Variants in NLN observed in about 807,000 individuals in gnomAD.
NLN encodes the protein neurolysin, mitochondrial.
Under a neutral mutation model 79.9 loss-of-function variants are expected in NLN, and 64 were observed. The observed-to-expected ratio is 0.80, with a 90% CI of 0.65 to 0.99. NLN has a LOEUF of 0.99. NLN is among the 50% of genes least tolerant of loss of function. NLN has a pLI of 0.00. For missense variants in NLN, 835 were observed against 858.7 expected (o/e 0.97, Z 0.34); for synonymous variants, 267 against 296.6 (o/e 0.90, Z 1.02).
intron 1 of NLN, among the ~76,000 whole-genome samples, chr5:65,742,214 T>A (rs1223505622): frequency 3.3e-5 from 5 of 152,078 alleles, no homozygotes; most frequent in East Asian, 1.9e-4. Context: ...TTACCTTTTT[T>A]AAAAAAATGG....
chr5:65,813,938 A>C (rs1579971620), intron 12 of NLN, among the ~76,000 whole-genome samples: 1 of 152,050 alleles, frequency 6.6e-6, no homozygotes, highest in African/African-American at 2.4e-5. Context: ...AAAAAAAAAA[A>C]AATCATTGAG....
chr5:65,733,547 T>C, intron 1 of NLN: 1 of 1,484,938 alleles, frequency 6.7e-7, no homozygotes, highest in Non-Finnish European at 9.3e-7. Flanking sequence ...AGCTGATGTG[T>C]ACAGTCAGGG....
intron 12 of NLN, among the ~76,000 whole-genome samples, chr5:65,817,163 C>T (rs558876706): frequency 1.1e-4 from 17 of 152,232 alleles, no homozygotes; most frequent in African/African-American, 3.9e-4. Context: ...TGACTGCTTA[C>T]CTATAATAGC....
At chr5:65,743,956 T>C (rs1313789783) in intron 1 of NLN, among the ~76,000 whole-genome samples, 3 of 152,232 alleles carry the variant, frequency 2.0e-5, no homozygotes, top group African/African-American at 4.8e-5. Flanking sequence ...TACATCCTCA[T>C]TGAAGTCTTT....
At position 65,828,600 on chromosome 5, in the gene NLN, T is replaced by G. The variant is rs1296655109; in HGVS notation, c.*5685T>G. 1 of 152,094 alleles carries G rather than the reference T, an allele frequency of 6.6e-6. No individual in the cohort carries two copies. The highest frequency in any genetic ancestry group is 1.5e-5 in the Non-Finnish European group (1 of 68,034). The allele number at this position is 152,094 out of a possible 1,614,324, so 9.4% of individuals were successfully genotyped here. ...CCATTAGAGAAACGGTTGGAAAATATGAGGAGGATTTAGTTCAGTACGAGG... is the reference window on the plus strand; with the variant it reads ...CCATTAGAGAAACGGTTGGAAAATAGGAGGAGGATTTAGTTCAGTACGAGG... On this transcript the variant is annotated 3_prime_UTR_variant, in exon 13 of 13. Transcript: ENST00000380985.
In NLN at chr5:65,767,362, G is replaced by A. The variant is rs143312916; in HGVS notation, c.450+4254G>A. ...GAAACCACCAAGGCTTGGGGCTTGC[G>A]TCCTGTGAAGCAATGGCCTGAGCTG... is the stretch of plus-strand genomic sequence containing the variant. On this transcript the variant is annotated intron_variant, in intron 3 of 12. Coordinates refer to ENST00000380985, the MANE Select transcript of NLN (RefSeq NM_020726.5). Among the ~76,000 whole-genome samples, 349 of 152,326 alleles carry A rather than the reference G, an allele frequency of 2.3e-3. 9 individuals carry two copies. The East Asian group carries it at 0.058, about 25-fold the overall frequency.
intron 11 of NLN, 126 bp downstream of exon 11, chr5:65,810,291 T>G: frequency 1.2e-6 from 1 of 824,206 alleles, no homozygotes; most frequent in Admixed American, 2.2e-5. Flanking sequence ...AATCAGGCCA[T>G]GACTTTCAGA....
intron 3 of NLN, among the ~76,000 whole-genome samples, chr5:65,773,580 T>C (rs1454287310): frequency 6.6e-6 from 1 of 151,754 alleles, no homozygotes; most frequent in East Asian, 1.9e-4. Flanking sequence ...ACAGAAAATA[T>C]AAAGTTCTTG....
chr5:65,758,271 A>G (rs1050890189), intron 1 of NLN, among the ~76,000 whole-genome samples: 1 of 152,148 alleles, frequency 6.6e-6, no homozygotes, highest in Non-Finnish European at 1.5e-5. Context: ...GATTTAATTT[A>G]TAAAGGAGAA....
At chr5:65,814,961 A>G (rs895379) in intron 12 of NLN, among the ~76,000 whole-genome samples, 74,966 of 151,972 alleles carry the variant, frequency 0.49, 19,082 homozygotes, top group Non-Finnish European at 0.56. Context: ...ATCTTTGGGG[A>G]TAAGTTTATG....
At chr5:65,820,962 AC>A (rs10717210) in intron 12 of NLN, among the ~76,000 whole-genome samples, 149,741 of 149,742 alleles carry the variant, frequency 1, 74,870 homozygotes, top group Non-Finnish European at 1. Context: ...GAATCACTTG[AC>A]CCCTGGGAGG....
At chr5:65,732,249 C>T (rs1029184961) in intron 1 of NLN, among the ~76,000 whole-genome samples, 2 of 152,210 alleles carry the variant, frequency 1.3e-5, no homozygotes, top group Non-Finnish European at 2.9e-5. Context: ...TTCACCATAG[C>T]TTACATTAGA....
At chr5:65,730,831 C>T (rs185500454) in intron 1 of NLN, among the ~76,000 whole-genome samples, 8 of 152,296 alleles carry the variant, frequency 5.3e-5, no homozygotes, top group East Asian at 1.9e-4. Context: ...GGATTACAGG[C>T]GTGAGCCACC....
chr5:65,827,673 G>GGA lies in NLN; in HGVS notation c.*4758_*4759insGA, dbSNP rs1299964895. The GGA allele has an allele frequency of 2.6e-5, 4 of 152,186 alleles. No homozygotes were observed. Among genetic ancestry groups the GGA allele is most frequent in the African/African-American group, 9.7e-5 (4 of 41,444 alleles). 9.4% of individuals were successfully genotyped at this position (152,186 alleles called of 1,614,324 possible). A position where few individuals can be genotyped will look rare whatever the true frequency, so the allele number is the denominator to read the frequency against. On this transcript the variant is annotated 3_prime_UTR_variant, in exon 13 of 13. Transcript: ENST00000380985. ...AAAGTCCCATAAAAAGGTATCAAATGTACAGATAATAGGGCTGGAATTATT... is the reference window on the plus strand; with the variant it reads ...AAAGTCCCATAAAAAGGTATCAAATGGATACAGATAATAGGGCTGGAATTATT...
chr5:65,785,700 C>G, intron 6 of NLN, 75 bp from the exon 7 acceptor site: 1 of 1,149,270 alleles, frequency 8.7e-7, no homozygotes, highest in Admixed American at 1.9e-5. Context: ...AAAATACATA[C>G]AGTAATTCTT....
intron 1 of NLN, chr5:65,733,742 T>C (rs1349790612): frequency 3.0e-5 from 28 of 934,740 alleles, no homozygotes; most frequent in Non-Finnish European, 4.3e-5. Flanking sequence ...TTTTTTTTGA[T>C]GGAGTCTCGC....
chr5:65,724,453 G>A (rs1579899277), intron 1 of NLN, among the ~76,000 whole-genome samples: 1 of 152,102 alleles, frequency 6.6e-6, no homozygotes, highest in East Asian at 1.9e-4. Flanking sequence ...ATATTTCATT[G>A]TATGTATATA....
chr5:65,738,415 T>C (rs1758782003), intron 1 of NLN, among the ~76,000 whole-genome samples: 1 of 151,568 alleles, frequency 6.6e-6, no homozygotes, highest in Non-Finnish European at 1.5e-5. Context: ...GAGACCTCGT[T>C]TCTACAAAAA....
At chr5:65,783,357 G>T (rs1046755065) in intron 6 of NLN, among the ~76,000 whole-genome samples, 2 of 152,134 alleles carry the variant, frequency 1.3e-5, no homozygotes, top group Non-Finnish European at 2.9e-5. Context: ...AGAGGTGGAA[G>T]ACAGCTCTAC....
Sources: gnomAD v4.1 joint callset for allele counts (sites outside exome capture counted in the v4.1 genomes callset) on GRCh38, gnomAD v4.1.1 for gene constraint, MANE v1.5 for transcripts, NCBI Gene and HGNC (gene_info 2026-07-23, HGNC 2026-07-21) for gene names.